The following FBN3 variants were observed in gnomAD, a reference collection of about 807,000 sequenced individuals.
The protein encoded by FBN3 is fibrillin-3.
In FBN3, 234 loss-of-function variants were observed where a neutral mutation model predicts 330.1. The ratio of observed to expected loss-of-function variants is 0.71; its 90% CI spans 0.64 to 0.79. FBN3 has a LOEUF of 0.79. Among genes scored for constraint, FBN3 ranks in the 30% least tolerant of loss-of-function variants. The probability of loss-of-function intolerance (pLI) is 0.00; values close to 1 mark genes in which losing one functional copy is unlikely to be tolerated. For missense variants in FBN3, 3,606 were observed against 3,886.9 expected, an observed-to-expected ratio of 0.93 and a Z score of 1.92; for synonymous variants, 1,458 against 1,517.3, an observed-to-expected ratio of 0.96 and a Z score of 0.91.
chr19:8,130,572 G>T (rs1791359808), intron 16 of FBN3, among the ~76,000 whole-genome samples: 1 of 5,060 alleles, frequency 2.0e-4, no homozygotes, highest in Non-Finnish European at 4.5e-4. Flanking sequence ...GAGAAGGAAA[G>T]AAAGAAAGAA....
chr19:8,119,813 C>CT (rs869084219), intron 25 of FBN3, among the ~76,000 whole-genome samples: 4,239 of 48,840 alleles, frequency 0.087, 271 homozygotes, highest in Non-Finnish European at 0.11. Flanking sequence ...CGAGCCCAGC[C>CT]TTTTTTTTTT....
intron 38 of FBN3, among the ~76,000 whole-genome samples, chr19:8,104,485 A>G (rs1043151490): frequency 6.6e-6 from 1 of 152,148 alleles, no homozygotes; most frequent in Non-Finnish European, 1.5e-5. Context: ...AAAAAAAAAA[A>G]AAATTCCTAA....
chr19:8,123,654 C>T, intron 23 of FBN3, 65 bp from the exon 24 acceptor site: 2 of 1,605,334 alleles, frequency 1.2e-6, no homozygotes, highest in African/African-American at 1.3e-5. Context: ...ACCAAGCCCT[C>T]CCTGGGTTCT....
chr19:8,087,212 C>A lies in FBN3; in HGVS notation c.6620-1G>T, dbSNP rs1254486839. 6.3e-6 allele frequency: 10 copies of A among 1,585,972 alleles called. No individual in the cohort carries two copies. The highest frequency in any genetic ancestry group is 8.6e-6 in the Non-Finnish European group (10 of 1,168,084). On this transcript the variant is annotated splice_acceptor_variant, in intron 53 of 63. Coordinates refer to ENST00000600128, the MANE Select transcript of FBN3 (RefSeq NM_032447.5). LOFTEE classifies it high-confidence loss of function. The stretch of plus-strand genomic sequence containing the variant: ...TGACCATCTGCACACTCGTCCACAT[C>A]TTCGGATGACCAGAGACAGATGGTC...
Position 8,096,001 on chromosome 19 carries a change from G to A in FBN3, c.5619C>T (p.Phe1873=). 6.2e-7 allele frequency: 1 copy of A among 1,614,002 alleles called. No homozygotes were observed. Among genetic ancestry groups the A allele is most frequent in the Non-Finnish European group, 8.5e-7 (1 of 1,179,878 alleles). ...CATTGTGTGTCACCACAAAGCCAGG[G>A]AAGCAGAGGCAGTTGTAGGAGCCAA... is the stretch of plus-strand genomic sequence containing the variant. ...NIIGSYNCLC[F]PGFVVTHNGD... Residue 1873 remains phenylalanine, a synonymous_variant, in exon 45 of 64, where the codon TTC becomes TTT. Coordinates refer to ENST00000600128, the MANE Select transcript of FBN3 (RefSeq NM_032447.5). This position sits in a 1 kb window ranked among gnomAD's most constrained non-coding sequence, Gnocchi z 4.6.
chr19:8,068,849 TGA>T (rs1164735468), intron 63 of FBN3, among the ~76,000 whole-genome samples: 1 of 152,110 alleles, frequency 6.6e-6, no homozygotes, highest in African/African-American at 2.4e-5. Flanking sequence ...AGGCTGCTTC[TGA>T]GAGAGGCAGG....
rs149409795 is a variant in FBN3, at chr19:8,121,325, C to T, written c.3144G>A (p.Pro1048=). The change falls in exon 25 of 64, where the codon CCG becomes CCA. Residue 1048 remains proline (P), a synonymous_variant. Coordinates refer to ENST00000600128, the MANE Select transcript of FBN3 (RefSeq NM_032447.5). This position sits in a 1 kb window ranked among gnomAD's most constrained non-coding sequence, Gnocchi z 4.5. ...LCGQGTCVNT[P]GSFECECFPG... ...GAAAACACTCGCACTCAAAGCTGCC[C>T]GGCGTGTTGACACAGGTGCCCTGGC... 1.1e-4 allele frequency: 180 copies of T among 1,613,386 alleles called. No individual in the cohort carries two copies. The highest frequency in any genetic ancestry group is 1.7e-4 in the Middle Eastern group (1 of 6,056).
intron 63 of FBN3, among the ~76,000 whole-genome samples, chr19:8,071,022 C>CA (rs34381445): frequency 0.17 from 16,615 of 95,924 alleles, 1,171 homozygotes; most frequent in Middle Eastern, 0.24. Flanking sequence ...GACTCTGTCT[C>CA]AAAAAAAAAA....
Position 8,136,406 on chromosome 19 carries a change from C to T in FBN3, c.1327G>A (p.Val443Met), listed in dbSNP as rs768567531. Residue 443 changes from valine to methionine, a missense_variant, in exon 11 of 64, where the codon GTG becomes ATG. Coordinates refer to ENST00000600128, the MANE Select transcript of FBN3 (RefSeq NM_032447.5). ...GGCTCACCAATGCACTCGCCGCGCA[C>T]GTCCTGGGTGTAGCCCACGTTACAC... ...CECNVGYTQD[V>M]RGECIDVDEC... 2.4e-5 allele frequency: 38 copies of T among 1,613,992 alleles called. No homozygotes were observed. The highest frequency in any genetic ancestry group is 1.3e-4 in the East Asian group (6 of 44,894).
At chr19:8,122,918 C>T (rs2082888113) in intron 24 of FBN3, among the ~76,000 whole-genome samples, 1 of 151,888 alleles carries the variant, frequency 6.6e-6, no homozygotes, top group Non-Finnish European at 1.5e-5. Context: ...CCGCCTCAGC[C>T]TCCCAAAGTG....
In FBN3 at chr19:8,138,194, T is replaced by C; in HGVS notation, c.1148A>G (p.His383Arg). 1 of 1,613,016 alleles carries C rather than the reference T, an allele frequency of 6.2e-7. No homozygotes were observed. Among genetic ancestry groups the C allele is most frequent in the Non-Finnish European group, 8.5e-7 (1 of 1,179,670 alleles). Residue 383 changes from histidine (H) to arginine (R), a missense_variant, in exon 10 of 64, where the codon CAT becomes CGT. By Grantham distance (29) the His-to-Arg change is conservative. Coordinates refer to ENST00000600128, the MANE Select transcript of FBN3 (RefSeq NM_032447.5). ...PPLGPARLNP[H>R]GSDARGIPSL... The stretch of plus-strand genomic sequence containing the variant: ...GGGGATCCCACGCGCATCAGAGCCA[T>C]GGGGGTTGAGTCGCGCTGGCCCAAG...
At chr19:8,100,611 G>T (rs12977723) in intron 41 of FBN3, among the ~76,000 whole-genome samples, 86,467 of 152,118 alleles carry the variant, frequency 0.57, 27,453 homozygotes, top group Middle Eastern at 0.74. Context: ...GTGCTGGGAT[G>T]ACAGGCATGA....
intron 13 of FBN3, among the ~76,000 whole-genome samples, chr19:8,135,330 A>T (rs9749217): frequency 0.57 from 86,210 of 150,662 alleles, 27,330 homozygotes; most frequent in African/African-American, 0.85. Context: ...CACACTGGAG[A>T]GCAGTGGTGT....
chr19:8,072,202 G>A lies in FBN3; in HGVS notation c.7938-4C>T. On this transcript the variant is annotated splice_region_variant and splice_polypyrimidine_tract_variant and intron_variant, in intron 62 of 63. Transcript: ENST00000600128. ...GCCCAGGCCGGAGACACAGTGCCTG[G>A]GCCAGGATGGGCAGGGTGGAGGGGT... 6.6e-7 allele frequency: 1 copy of A among 1,525,126 alleles called. No homozygotes were observed. Among genetic ancestry groups the A allele is most frequent in the Non-Finnish European group, 8.8e-7 (1 of 1,139,220 alleles). The allele number at this position is 1,525,126 out of a possible 1,614,324, so 94.5% of individuals were successfully genotyped here. A position where few individuals can be genotyped will look rare whatever the true frequency, so the allele number is the denominator to read the frequency against.
At position 8,096,215 on chromosome 19, in the gene FBN3, C is replaced by A. The variant is rs985339868; in HGVS notation, c.5540-135G>T. Reference sequence around the variant, plus strand: ...TAGATGACTGGGCAGTGACCCCTGGCGGTGATGGCTGGGAAGTACTCCTGG... The same window carrying A: ...TAGATGACTGGGCAGTGACCCCTGGAGGTGATGGCTGGGAAGTACTCCTGG... On this transcript the variant is annotated intron_variant, in intron 44 of 63. Coordinates refer to ENST00000600128, the MANE Select transcript of FBN3 (RefSeq NM_032447.5). The surrounding 1 kb of genome is among the most constrained non-coding windows in gnomAD (Gnocchi z 4.6). 3.5e-6 allele frequency: 3 copies of A among 866,768 alleles called. No homozygotes were observed. Among genetic ancestry groups the A allele is most frequent in the Non-Finnish European group, 3.8e-6 (2 of 528,820 alleles). The allele number at this position is 866,768 out of a possible 1,614,324, so 53.7% of individuals were successfully genotyped here.
chr19:8,125,146 C>A (rs1420374055), intron 22 of FBN3, among the ~76,000 whole-genome samples: 2 of 152,178 alleles, frequency 1.3e-5, no homozygotes, highest in African/African-American at 2.4e-5. Context: ...GGACTTCCAG[C>A]ACTCCGGGAT....
chr19:8,128,569 A>G (rs2083049408), intron 18 of FBN3, among the ~76,000 whole-genome samples: 1 of 152,070 alleles, frequency 6.6e-6, no homozygotes, highest in Admixed American at 6.6e-5. Flanking sequence ...TCTCAAAAAA[A>G]AAAAAAAAGA....
At chr19:8,146,411 G>C (rs2083548258) in intron 3 of FBN3, among the ~76,000 whole-genome samples, 186 bp from the exon 4 acceptor site, 1 of 152,222 alleles carries the variant, frequency 6.6e-6, no homozygotes, top group Admixed American at 6.5e-5. Context: ...GCTGGGCTGG[G>C]CAGGGTGTGT....
Position 8,149,134 on chromosome 19 carries a change from GC to G in FBN3, c.-18+314del, listed in dbSNP as rs1437133981. On this transcript the variant is annotated intron_variant, in intron 1 of 63. Coordinates refer to ENST00000600128, the MANE Select transcript of FBN3 (RefSeq NM_032447.5). This position sits in a 1 kb window ranked among gnomAD's most constrained non-coding sequence, Gnocchi z 5.5. ...CAAGCTTCGCCGACGGGGAGGGGGC[GC>G]CCCCGGAGCCCGCGGGGCGCGATCT... Among the ~76,000 whole-genome samples the G allele has an allele frequency of 6.6e-6, 1 of 151,846 alleles. No individual in the cohort carries two copies. Among genetic ancestry groups the G allele is most frequent in the Non-Finnish European group, 1.5e-5 (1 of 67,900 alleles).
Sources: allele counts gnomAD v4.1 joint callset (sites outside exome capture counted in the v4.1 genomes callset), GRCh38; gene constraint gnomAD v4.1.1; non-coding constraint Gnocchi (gnomAD v3.1); transcripts MANE v1.5; gene names NCBI Gene and HGNC (gene_info 2026-07-23, HGNC 2026-07-21).